PRKAA2: variants seen among roughly 807,000 people sequenced by gnomAD.
PRKAA2 encodes the protein 5'-AMP-activated protein kinase catalytic subunit alpha-2.
A neutral mutation model predicts 56.3 loss-of-function variants in PRKAA2; 40 were observed. The observed-to-expected ratio is 0.71, with a 90% confidence interval of 0.55 to 0.92. The LOEUF (loss-of-function observed/expected upper bound fraction) is 0.92, where lower values mean the gene tolerates loss of function less well. Among genes scored for constraint, PRKAA2 ranks in the 40% least tolerant of loss-of-function variants. The pLI is 0.00. For missense variants in PRKAA2, 542 were observed against 686.9 expected, an observed-to-expected ratio of 0.79 and a Z score of 2.36; for synonymous variants, 214 against 234.2, an observed-to-expected ratio of 0.91 and a Z score of 0.79.
intron 1 of PRKAA2, among the ~76,000 whole-genome samples, chr1:56,647,077 G>T (rs564024367): frequency 6.6e-6 from 1 of 152,256 alleles, no homozygotes; most frequent in Admixed American, 6.5e-5. Context: ...TGGTATTTTT[G>T]CAAAGACCTA....
intron 6 of PRKAA2, among the ~76,000 whole-genome samples, chr1:56,702,750 G>A (rs1202263037): frequency 1.3e-5 from 2 of 152,274 alleles, no homozygotes; most frequent in East Asian, 3.9e-4. Flanking sequence ...ATATTACTCA[G>A]AGTGGCTTCC....
rs201264150 is a variant in PRKAA2, at chr1:56,649,539, AAGAT to A, written c.94+4077_94+4080del. On this transcript the variant is annotated intron_variant, in intron 1 of 8. Transcript: ENST00000371244. ...TTTGATTGATTGATTGATTGATAGA[AAGAT>A]AGATAGATAGATAGATAGTTAGATA... Among the ~76,000 whole-genome samples, 132 of 151,874 alleles carry A rather than the reference AAGAT, an allele frequency of 8.7e-4. 1 individual carries two copies. Among genetic ancestry groups the A allele is most frequent in the East Asian group, 2.7e-3 (14 of 5,146 alleles).
chr1:56,668,796 C>T (rs931017809), intron 1 of PRKAA2, among the ~76,000 whole-genome samples: 1 of 152,084 alleles, frequency 6.6e-6, no homozygotes, highest in South Asian at 2.1e-4. Flanking sequence ...GTAAAAAATG[C>T]TGGACTTCAT....
At chr1:56,658,796 A>G (rs1385365171) in intron 1 of PRKAA2, among the ~76,000 whole-genome samples, 1 of 150,536 alleles carries the variant, frequency 6.6e-6, no homozygotes, top group Non-Finnish European at 1.5e-5. Flanking sequence ...CTGGAGTGCA[A>G]TGGCATGATC....
chr1:56,647,568 T>C (rs972550165), intron 1 of PRKAA2, among the ~76,000 whole-genome samples: 5 of 152,310 alleles, frequency 3.3e-5, no homozygotes, highest in African/African-American at 1.2e-4. Flanking sequence ...CTGGAGAACC[T>C]CTGTCCAATG....
At chr1:56,684,124 T>C (rs1326210858) in intron 2 of PRKAA2, among the ~76,000 whole-genome samples, 1 of 151,992 alleles carries the variant, frequency 6.6e-6, no homozygotes, top group East Asian at 1.9e-4. Context: ...AAATGTGAGT[T>C]GTGAGAGGAA....
In PRKAA2 at chr1:56,708,442, A is replaced by G. The variant is rs1358975270; in HGVS notation, c.*729A>G. On this transcript the variant is annotated 3_prime_UTR_variant, in exon 9 of 9. Coordinates refer to ENST00000371244, the MANE Select transcript of PRKAA2 (RefSeq NM_006252.4). ...TAATATTGGAACATCTGGAATTGCA[A>G]CAACTTTTGTCTTTTACATAAACTT... 1 of 152,212 alleles carries G rather than the reference A, an allele frequency of 6.6e-6. No homozygotes were observed. Among genetic ancestry groups the G allele is most frequent in the African/African-American group, 2.4e-5 (1 of 41,460 alleles). 9.4% of individuals were successfully genotyped at this position (152,212 alleles called of 1,614,324 possible). A position where few individuals can be genotyped will look rare whatever the true frequency, so the allele number is the denominator to read the frequency against.
intron 2 of PRKAA2, among the ~76,000 whole-genome samples, chr1:56,689,671 A>T (rs1210012882): frequency 6.6e-6 from 1 of 152,116 alleles, no homozygotes; most frequent in Admixed American, 6.5e-5. Context: ...GTGAGCCGAG[A>T]GCATGGCCGC....
At chr1:56,668,276 A>G (rs1221056506) in intron 1 of PRKAA2, among the ~76,000 whole-genome samples, 3 of 119,098 alleles carry the variant, frequency 2.5e-5, no homozygotes, top group Non-Finnish European at 3.5e-5. Flanking sequence ...GGGTGGGGGG[A>G]GGGGGGAGGG....
chr1:56,688,917 A>G (rs1440170433), intron 2 of PRKAA2, among the ~76,000 whole-genome samples: 2 of 152,222 alleles, frequency 1.3e-5, no homozygotes, highest in African/African-American at 4.8e-5. Context: ...GTCACCATTT[A>G]ATAGCTTAGT....
Position 56,707,614 on chromosome 1 carries a change from G to C in PRKAA2, c.1560G>C (p.Leu520Phe). ...HSLSGSLTGS[L>F]TGSTLSSVSP... Reference sequence around the variant, plus strand: ...TTTCTGGCTCTCTCACTGGCTCTTTGACCGGAAGCACATTGTCTTCAGTTT... The same window carrying C: ...TTTCTGGCTCTCTCACTGGCTCTTTCACCGGAAGCACATTGTCTTCAGTTT... Residue 520 changes from leucine (L) to phenylalanine (F), a missense_variant, in exon 9 of 9, where the codon TTG (leucine) becomes TTC (phenylalanine). Transcript: ENST00000371244. 6.2e-7 allele frequency: 1 copy of C among 1,614,006 alleles called. No individual in the cohort carries two copies.
At position 56,692,463 on chromosome 1, in the gene PRKAA2, C is replaced by T. The variant is rs756689937; in HGVS notation, c.436C>T (p.Leu146=). The change falls in exon 4 of 9, where the codon CTG becomes TTG. Residue 146 remains leucine (L), a synonymous_variant. Transcript: ENST00000371244. ...VHRDLKPENV[L]LDAHMNAKIA... is the part of the protein sequence containing the mutation. ...TCGAGACCTGAAACCAGAGAATGTC[C>T]TGTTGGATGCACACATGAATGCCAA... The T allele has an allele frequency of 6.2e-7, 1 of 1,614,100 alleles. No individual in the cohort carries two copies. The highest frequency in any genetic ancestry group is 8.5e-7 in the Non-Finnish European group (1 of 1,179,996).
intron 7 of PRKAA2, among the ~76,000 whole-genome samples, chr1:56,705,566 T>A (rs1644326192): frequency 6.6e-6 from 1 of 152,034 alleles, no homozygotes; most frequent in Non-Finnish European, 1.5e-5. Context: ...CGGCTGATTT[T>A]TTTTGTATGT....
At chr1:56,655,280 A>ATATATATTTATTTTTTTTTTTTTTTTTT in intron 1 of PRKAA2, among the ~76,000 whole-genome samples, 1 of 93,654 alleles carries the variant, frequency 1.1e-5, no homozygotes. Flanking sequence ...ATATATATAT[A>ATATATATTTATTTTTTTTTTTTTTTTTT]TTTTTTTTTT....
intron 2 of PRKAA2, among the ~76,000 whole-genome samples, chr1:56,688,955 C>T (rs1241525780): frequency 6.6e-6 from 1 of 152,116 alleles, no homozygotes; most frequent in Non-Finnish European, 1.5e-5. Context: ...TGCTTAGTAA[C>T]GTTATGATTT....
At chr1:56,702,375 G>A (rs533413848) in intron 6 of PRKAA2, among the ~76,000 whole-genome samples, 27 of 152,302 alleles carry the variant, frequency 1.8e-4, no homozygotes, top group African/African-American at 3.8e-4. Context: ...GAGCCACGGC[G>A]CCCAGCATCA....
At chr1:56,679,772 G>T (rs1277147145) in intron 2 of PRKAA2, among the ~76,000 whole-genome samples, 1 of 151,986 alleles carries the variant, frequency 6.6e-6, no homozygotes, top group Non-Finnish European at 1.5e-5. Flanking sequence ...GAACCACATT[G>T]GTCTACTTAT....
Position 56,710,418 on chromosome 1 carries a change from A to G in PRKAA2, c.*2705A>G, listed in dbSNP as rs1644362191. On this transcript the variant is annotated 3_prime_UTR_variant, in exon 9 of 9. Coordinates refer to ENST00000371244, the MANE Select transcript of PRKAA2 (RefSeq NM_006252.4). ...ACAGGTCTTTCTGTGAAAAAAAGAA[A>G]GCCACATAACTTTGTTGAACTTTGC... 6.6e-6 allele frequency: 1 copy of G among 152,130 alleles called. No homozygotes were observed. Among genetic ancestry groups the G allele is most frequent in the African/African-American group, 2.4e-5 (1 of 41,446 alleles). 9.4% of individuals were successfully genotyped at this position (152,130 alleles called of 1,614,324 possible).
chr1:56,655,399 G>A (rs1212155751), intron 1 of PRKAA2, among the ~76,000 whole-genome samples: 2 of 122,342 alleles, frequency 1.6e-5, no homozygotes, highest in African/African-American at 3.1e-5. Flanking sequence ...ATAGACATGA[G>A]CCACCATGCC....
Sources: gnomAD v4.1 joint callset for allele counts (sites outside exome capture counted in the v4.1 genomes callset) on GRCh38, gnomAD v4.1.1 for gene constraint, MANE v1.5 for transcripts, NCBI Gene and HGNC (gene_info 2026-07-23, HGNC 2026-07-21) for gene names.